The following STK4 variants were observed in gnomAD, a reference collection of about 807,000 sequenced individuals.
The protein encoded by STK4 is serine/threonine kinase 4.
Under a neutral mutation model 64.9 loss-of-function variants are expected in STK4, and 30 were observed. The observed-to-expected ratio is 0.46, with a 90% CI of 0.35 to 0.63. The LOEUF (loss-of-function observed/expected upper bound fraction) is 0.63, where lower values mean the gene tolerates loss of function less well. Ranked by LOEUF, STK4 falls within the 20% of genes least tolerant of loss-of-function variation. The pLI is 0.01. For missense variants in STK4, 466 were observed against 598.5 expected (o/e 0.78, Z 2.31); for synonymous variants, 177 against 199.0 (o/e 0.89, Z 0.93).
At chr20:45,056,869 T>C (rs1894572) in intron 10 of STK4, among the ~76,000 whole-genome samples, 66,515 of 152,092 alleles carry the variant, frequency 0.44, 15,166 homozygotes, top group Middle Eastern at 0.54. Context: ...GGCTTCAGAC[T>C]TCATTGGAGA....
At chr20:44,969,959 C>A (rs1185366248) in intron 1 of STK4, among the ~76,000 whole-genome samples, 2 of 152,144 alleles carry the variant, frequency 1.3e-5, no homozygotes, top group African/African-American at 4.8e-5. Flanking sequence ...TGATTCCCAT[C>A]ATTACATTTG....
intron 10 of STK4, among the ~76,000 whole-genome samples, chr20:45,047,651 TTTGGTAAAAC>T (rs1391774246): frequency 3.9e-5 from 6 of 152,224 alleles, no homozygotes; most frequent in African/African-American, 1.2e-4. Flanking sequence ...TCCCTGCTTC[TTTGGTAAAAC>T]TGTAGTAAAA....
At chr20:44,977,573 TA>T (rs972928021) in intron 2 of STK4, among the ~76,000 whole-genome samples, 21 of 152,214 alleles carry the variant, frequency 1.4e-4, no homozygotes, top group African/African-American at 5.1e-4. Flanking sequence ...TAGTTTGTAT[TA>T]TTGTCATTTT....
At chr20:45,028,444 A>C (rs1316171348) in intron 10 of STK4, among the ~76,000 whole-genome samples, 1 of 151,612 alleles carries the variant, frequency 6.6e-6, no homozygotes, top group Non-Finnish European at 1.5e-5. Flanking sequence ...CTCCCACCTC[A>C]GCCTTCTGAG....
intron 9 of STK4, among the ~76,000 whole-genome samples, chr20:45,005,488 A>G (rs986166669): frequency 2.0e-5 from 3 of 151,990 alleles, no homozygotes; most frequent in African/African-American, 7.2e-5. Flanking sequence ...TACTAAACAA[A>G]ATACAAAATA....
In STK4 at chr20:44,984,392, C is replaced by T. The variant is rs144894893; in HGVS notation, c.360+2449C>T. On this transcript the variant is annotated intron_variant, in intron 4 of 10. Transcript: ENST00000372806. Reference sequence around the variant, plus strand: ...ATTTGTTATGTATTTTTAGTAGAGACGTGGTTTCACCGTGTTAGCCAGGAT... The same window carrying T: ...ATTTGTTATGTATTTTTAGTAGAGATGTGGTTTCACCGTGTTAGCCAGGAT... 5.7e-3 allele frequency among the ~76,000 whole-genome samples: 862 copies of T among 151,964 alleles called. 4 individuals are homozygous for T. Among genetic ancestry groups the T allele is most frequent in the Admixed American group, 7.7e-3 (117 of 15,270 alleles).
At chr20:45,028,804 C>T (rs186467777) in intron 10 of STK4, among the ~76,000 whole-genome samples, 104 of 152,224 alleles carry the variant, frequency 6.8e-4, no homozygotes, top group Admixed American at 1.8e-3. Context: ...TTTCTCTTTG[C>T]CACAGTTTTC....
chr20:44,991,895 C>G (rs6017459), intron 5 of STK4, among the ~76,000 whole-genome samples: 13 of 152,218 alleles, frequency 8.5e-5, no homozygotes, highest in African/African-American at 2.9e-4. Context: ...AACTCCTGAG[C>G]TCAAGCAATC....
At chr20:44,993,039 A>G (rs879852891) in intron 5 of STK4, among the ~76,000 whole-genome samples, 2 of 151,868 alleles carry the variant, frequency 1.3e-5, no homozygotes, top group African/African-American at 2.4e-5. Context: ...TTTGTTTTTT[A>G]TGTTTAAAAT....
chr20:45,034,886 T>G (rs2068502583), intron 10 of STK4, among the ~76,000 whole-genome samples: 1 of 152,116 alleles, frequency 6.6e-6, no homozygotes, highest in South Asian at 2.1e-4. Flanking sequence ...CACTGTATAC[T>G]GCCCTGAGTG....
intron 8 of STK4, 130 bp downstream of exon 8, chr20:45,000,650 C>A (rs932903677): frequency 1.5e-6 from 2 of 1,353,888 alleles, no homozygotes; most frequent in Non-Finnish European, 2.0e-6. Flanking sequence ...TAACTATGTC[C>A]TAACCTGGAT....
At chr20:45,057,411 C>G (rs191148585) in intron 10 of STK4, among the ~76,000 whole-genome samples, 29 of 152,230 alleles carry the variant, frequency 1.9e-4, no homozygotes, top group African/African-American at 7.0e-4. Context: ...TAACTATATG[C>G]TTGTGTTATT....
chr20:45,060,449 G>A (rs749544466), intron 10 of STK4, among the ~76,000 whole-genome samples: 14 of 151,806 alleles, frequency 9.2e-5, no homozygotes, highest in South Asian at 2.1e-4. Context: ...AATGTGTGAC[G>A]AGATAAAGTT....
intron 5 of STK4, among the ~76,000 whole-genome samples, chr20:44,994,253 A>ATT (rs75891955): frequency 0.051 from 7,668 of 151,190 alleles, 299 homozygotes; most frequent in South Asian, 0.13. Context: ...ATCTTTAGTG[A>ATT]TTCTGCCTAC....
At chr20:44,994,954 C>T in intron 5 of STK4, 136 bp from the exon 6 acceptor site, 1 of 658,690 alleles carries the variant, frequency 1.5e-6, no homozygotes. Flanking sequence ...AAGTACAAGG[C>T]ATTTTTTTAT....
At chr20:45,037,481 G>T (rs778887939) in intron 10 of STK4, among the ~76,000 whole-genome samples, 64 of 152,248 alleles carry the variant, frequency 4.2e-4, no homozygotes, top group Non-Finnish European at 6.5e-4. Flanking sequence ...ATCTGACGTT[G>T]TGTGATAATG....
chr20:44,981,943 G>A lies in STK4; in HGVS notation c.360G>A (p.Thr120=). ...VSDIIRLRNK[T]LTEDEIATIL... ...ATATCATTCGATTACGAAATAAAACGGTAGGTTTACCTTCTAGAACATGCA... is the reference window on the plus strand; with the variant it reads ...ATATCATTCGATTACGAAATAAAACAGTAGGTTTACCTTCTAGAACATGCA... Residue 120 remains threonine (T), a splice_region_variant and synonymous_variant, in exon 4 of 11, where the codon ACG becomes ACA. Transcript: ENST00000372806. 1.2e-6 allele frequency: 2 copies of A among 1,606,268 alleles called. No individual in the cohort carries two copies. Among genetic ancestry groups the A allele is most frequent in the South Asian group, 1.1e-5 (1 of 90,888 alleles).
intron 10 of STK4, among the ~76,000 whole-genome samples, chr20:45,028,949 A>C (rs973174152): frequency 1.3e-5 from 2 of 152,186 alleles, no homozygotes; most frequent in African/African-American, 2.4e-5. Flanking sequence ...CCCATGGTGC[A>C]CAGTGACCAG....
Position 44,981,813 on chromosome 20 carries a change from G to A in STK4, c.246-16G>A. The A allele has an allele frequency of 1.4e-6, 2 of 1,436,176 alleles. No homozygotes were observed. The highest frequency in any genetic ancestry group is 1.7e-4 in the Middle Eastern group (1 of 5,738). 89.0% of individuals were successfully genotyped at this position (1,436,176 alleles called of 1,614,324 possible). A position where few individuals can be genotyped will look rare whatever the true frequency, so the allele number is the denominator to read the frequency against. On this transcript the variant is annotated splice_polypyrimidine_tract_variant and intron_variant, in intron 3 of 10. Coordinates refer to ENST00000372806, the MANE Select transcript of STK4 (RefSeq NM_006282.5). ...GAAGGCCATTTTATTAATTTGTATT[G>A]TCTCTCTCTCTCTAGCCCTCATGTA... is the stretch of plus-strand genomic sequence containing the variant.
Sources: allele counts gnomAD v4.1 joint callset (sites outside exome capture counted in the v4.1 genomes callset), GRCh38; gene constraint gnomAD v4.1.1; transcripts MANE v1.5; gene names NCBI Gene and HGNC (gene_info 2026-07-23, HGNC 2026-07-21).